The following SLC35F1 variants were observed in gnomAD, a reference collection of about 807,000 sequenced individuals.
SLC35F1 encodes the protein solute carrier family 35 member F1.
SLC35F1 carries 14 observed loss-of-function variants against 48.7 expected under a neutral mutation model. The observed-to-expected ratio is 0.29, with a 90% CI of 0.19 to 0.45. The LOEUF (loss-of-function observed/expected upper bound fraction) is 0.45, where lower values mean the gene tolerates loss of function less well. Among genes scored for constraint, SLC35F1 ranks in the 20% least tolerant of loss-of-function variants. The probability of loss-of-function intolerance (pLI) is 1.00; values close to 1 mark genes in which losing one functional copy is unlikely to be tolerated. For synonymous variants in SLC35F1, 190 were observed against 202.2 expected (o/e 0.94, Z 0.51); for missense variants, 404 against 500.0 (o/e 0.81, Z 1.83).
rs115236494 is a variant in SLC35F1 at position 118,100,620 on chromosome 6, C to T, written c.174-53825C>T. Among the ~76,000 whole-genome samples, 709 of 152,278 alleles carry T rather than the reference C, an allele frequency of 4.7e-3. 6 individuals are homozygous for T. The highest frequency in any genetic ancestry group is 0.016 in the African/African-American group (645 of 41,558). On this transcript the variant is annotated intron_variant, in intron 1 of 7. Transcript: ENST00000360388. ...ATGTGAAGCTTCTGTCATCCTCATT[C>T]GTACATTACCCTCCTGGTATCAAAG...
intron 1 of SLC35F1, among the ~76,000 whole-genome samples, chr6:117,924,024 T>C: frequency 6.7e-6 from 1 of 150,258 alleles, no homozygotes; most frequent in East Asian, 2.0e-4. Context: ...CGTATATACC[T>C]ATACACACAT....
At chr6:118,111,754 TG>T (rs1417896483) in intron 1 of SLC35F1, among the ~76,000 whole-genome samples, 1 of 152,140 alleles carries the variant, frequency 6.6e-6, no homozygotes, top group African/African-American at 2.4e-5. Flanking sequence ...AACAATATAT[TG>T]GGTGATTAAG....
chr6:117,946,814 A>G (rs1776301455), intron 1 of SLC35F1, among the ~76,000 whole-genome samples: 1 of 152,214 alleles, frequency 6.6e-6, no homozygotes, highest in Non-Finnish European at 1.5e-5. Flanking sequence ...GAAGTTATGG[A>G]ACACTGTCAT....
chr6:118,069,731 A>C (rs1346675217), intron 1 of SLC35F1, among the ~76,000 whole-genome samples: 1 of 152,228 alleles, frequency 6.6e-6, no homozygotes, highest in African/African-American at 2.4e-5. Flanking sequence ...TGATTGAAAA[A>C]TGGTTTGCTC....
chr6:118,052,966 C>T (rs190609749), intron 1 of SLC35F1, among the ~76,000 whole-genome samples: 199 of 152,084 alleles, frequency 1.3e-3, no homozygotes, highest in Middle Eastern at 3.4e-3. Context: ...TCTCAAAGCC[C>T]CTTGTCTGTA....
chr6:118,019,625 A>G (rs1777368105), intron 1 of SLC35F1, among the ~76,000 whole-genome samples: 1 of 152,234 alleles, frequency 6.6e-6, no homozygotes, highest in Non-Finnish European at 1.5e-5. Context: ...TCGTCTCAAA[A>G]AAAAAAAGAA....
At chr6:118,000,211 G>A (rs1353254004) in intron 1 of SLC35F1, among the ~76,000 whole-genome samples, 2 of 152,110 alleles carry the variant, frequency 1.3e-5, no homozygotes, top group Non-Finnish European at 2.9e-5. Flanking sequence ...TAAAATACTG[G>A]CAAACGGAAT....
intron 1 of SLC35F1, among the ~76,000 whole-genome samples, chr6:117,966,184 T>A (rs1178485522): frequency 2.5e-5 from 3 of 118,850 alleles, no homozygotes; most frequent in Non-Finnish European, 3.3e-5. Context: ...CCTGCTGGGG[T>A]CCCTGTCCAT....
rs1288922055 is a variant in SLC35F1 at position 117,907,406 on chromosome 6, G to A, written c.-321G>A. On this transcript the variant is annotated 5_prime_UTR_variant, in exon 1 of 8. Transcript: ENST00000360388. ...CCCCGGAACCGACCGGCAGCTCCGC[G>A]CCCCCGCGCGACACCCTTCGCAGCC... 1.1e-5 allele frequency: 2 copies of A among 188,996 alleles called. No homozygotes were observed. The highest frequency in any genetic ancestry group is 1.3e-4 in the East Asian group (1 of 7,414). 11.7% of individuals were successfully genotyped at this position (188,996 alleles called of 1,614,324 possible). A position where few individuals can be genotyped will look rare whatever the true frequency, so the allele number is the denominator to read the frequency against.
intron 3 of SLC35F1, among the ~76,000 whole-genome samples, chr6:118,262,141 C>T (rs1775720804): frequency 6.6e-6 from 1 of 152,026 alleles, no homozygotes; most frequent in African/African-American, 2.4e-5. Context: ...AGCTTCATGA[C>T]CGTGTTTGAG....
chr6:118,247,771 G>A (rs1006838835), intron 3 of SLC35F1, among the ~76,000 whole-genome samples: 3 of 148,512 alleles, frequency 2.0e-5, no homozygotes, highest in African/African-American at 7.9e-5. Context: ...GATAAGGTTG[G>A]ATAGGCAAAT....
At chr6:118,238,075 A>G (rs1314616054) in intron 3 of SLC35F1, among the ~76,000 whole-genome samples, 2 of 152,074 alleles carry the variant, frequency 1.3e-5, no homozygotes, top group African/African-American at 2.4e-5. Flanking sequence ...ATTTCCCACT[A>G]CAGATGTCCC....
chr6:118,027,616 C>T (rs1331352136), intron 1 of SLC35F1, among the ~76,000 whole-genome samples: 4 of 152,000 alleles, frequency 2.6e-5, no homozygotes, highest in African/African-American at 7.2e-5. Context: ...TCTCCCCTCA[C>T]CTCGCCCTGC....
chr6:118,183,517 A>T (rs1267927893), intron 2 of SLC35F1, among the ~76,000 whole-genome samples: 1 of 152,068 alleles, frequency 6.6e-6, no homozygotes, highest in Admixed American at 6.6e-5. Context: ...TAAATTAAAA[A>T]AAAAGAAATT....
chr6:118,071,210 T>G lies in SLC35F1; in HGVS notation c.174-83235T>G, dbSNP rs115053076. On this transcript the variant is annotated intron_variant, in intron 1 of 7. Coordinates refer to ENST00000360388, the MANE Select transcript of SLC35F1 (RefSeq NM_001029858.4). ...TGTATATACACACATAGTATATATATATACTATGTGTATATATTTTTGAAA... is the reference window on the plus strand; with the variant it reads ...TGTATATACACACATAGTATATATAGATACTATGTGTATATATTTTTGAAA... Among the ~76,000 whole-genome samples, 454 of 147,792 alleles carry G rather than the reference T, an allele frequency of 3.1e-3. 4 individuals carry two copies. Among genetic ancestry groups the G allele is most frequent in the African/African-American group, 0.011 (444 of 40,538 alleles).
chr6:117,959,840 C>T (rs887609924), intron 1 of SLC35F1, among the ~76,000 whole-genome samples: 5 of 152,144 alleles, frequency 3.3e-5, no homozygotes, highest in African/African-American at 1.2e-4. Flanking sequence ...TAAACAATTT[C>T]ACAAGCTTTC....
chr6:117,940,980 A>C (rs1029525884), intron 1 of SLC35F1, among the ~76,000 whole-genome samples: 2 of 152,126 alleles, frequency 1.3e-5, no homozygotes, highest in African/African-American at 4.8e-5. Flanking sequence ...TATTTCACAC[A>C]TCTGAAAACT....
At chr6:117,972,824 C>G (rs1776660283) in intron 1 of SLC35F1, among the ~76,000 whole-genome samples, 1 of 152,176 alleles carries the variant, frequency 6.6e-6, no homozygotes, top group Admixed American at 6.5e-5. Context: ...CAAATCATAT[C>G]AGCCACCCAT....
intron 1 of SLC35F1, among the ~76,000 whole-genome samples, chr6:118,110,789 G>C (rs1350867026): frequency 1.3e-5 from 2 of 152,012 alleles, no homozygotes; most frequent in African/African-American, 4.8e-5. Context: ...ATACTAATAA[G>C]GTGTAACAGG....
Sources: gnomAD v4.1 joint callset for allele counts (sites outside exome capture counted in the v4.1 genomes callset) on GRCh38, gnomAD v4.1.1 for gene constraint, MANE v1.5 for transcripts, NCBI Gene and HGNC (gene_info 2026-07-23, HGNC 2026-07-21) for gene names.